MNAT1: variants seen among roughly 807,000 people sequenced by gnomAD.
MNAT1 encodes CDK-activating kinase assembly factor MAT1.
Under a neutral mutation model 42.0 loss-of-function variants are expected in MNAT1, and 43 were observed. The ratio of observed to expected loss-of-function variants is 1.02; its 90% CI spans 0.80 to 1.32. The LOEUF is 1.32. Among genes scored for constraint, MNAT1 ranks in the 40% most tolerant of loss-of-function variants. MNAT1 has a pLI of 0.00. For missense variants in MNAT1, 306 were observed against 350.4 expected, an observed-to-expected ratio of 0.87 and a Z score of 1.01; for synonymous variants, 118 against 120.0, an observed-to-expected ratio of 0.98 and a Z score of 0.11.
chr14:60,852,639 G>T (rs140272662), intron 6 of MNAT1, among the ~76,000 whole-genome samples: 2 of 152,254 alleles, frequency 1.3e-5, no homozygotes, highest in Non-Finnish European at 2.9e-5. Context: ...ATGATGAATG[G>T]TATTACCTAG....
At chr14:60,904,503 G>A (rs1402992547) in intron 7 of MNAT1, among the ~76,000 whole-genome samples, 2 of 152,008 alleles carry the variant, frequency 1.3e-5, no homozygotes, top group African/African-American at 4.8e-5. Flanking sequence ...TGCAGTTATG[G>A]AAAAAATATG....
intron 7 of MNAT1, among the ~76,000 whole-genome samples, chr14:60,926,281 C>T (rs1239284549): frequency 6.6e-6 from 1 of 152,228 alleles, no homozygotes; most frequent in African/African-American, 2.4e-5. Flanking sequence ...CAAAGCAGTT[C>T]TCCAGTCCAG....
intron 1 of MNAT1, among the ~76,000 whole-genome samples, chr14:60,786,607 A>G (rs1369897240): frequency 4.6e-5 from 7 of 152,198 alleles, no homozygotes; most frequent in African/African-American, 9.7e-5. Flanking sequence ...AACCTATTAC[A>G]TGTTACCACA....
At chr14:60,949,294 T>C (rs546316177) in intron 7 of MNAT1, among the ~76,000 whole-genome samples, 3 of 152,180 alleles carry the variant, frequency 2.0e-5, no homozygotes, top group Non-Finnish European at 4.4e-5. Flanking sequence ...CTGTGTGGCC[T>C]GTTTTGAACC....
chr14:60,884,448 T>C (rs947661247), intron 7 of MNAT1, among the ~76,000 whole-genome samples: 2 of 152,084 alleles, frequency 1.3e-5, no homozygotes, highest in Admixed American at 1.3e-4. Context: ...CTTTTTAACA[T>C]GTTGTTGAAT....
chr14:60,798,919 AACTT>A (rs1329768350), intron 3 of MNAT1, among the ~76,000 whole-genome samples: 2 of 152,256 alleles, frequency 1.3e-5, no homozygotes, highest in African/African-American at 4.8e-5. Flanking sequence ...TATTCTTTCA[AACTT>A]AATAGGTAAC....
At chr14:60,839,894 C>T (rs2033497947) in intron 6 of MNAT1, among the ~76,000 whole-genome samples, 1 of 152,200 alleles carries the variant, frequency 6.6e-6, no homozygotes, top group African/African-American at 2.4e-5. Context: ...CTGCTCTGTG[C>T]CAGACTCGCC....
chr14:60,840,953 C>A (rs567056928), intron 6 of MNAT1, among the ~76,000 whole-genome samples: 1 of 152,292 alleles, frequency 6.6e-6, no homozygotes, highest in South Asian at 2.1e-4. Context: ...GCATGAGCCA[C>A]CGCACTTGGC....
chr14:60,850,878 G>A lies in MNAT1; in HGVS notation c.688-28836G>A, dbSNP rs553839234. ...GATGTAGAATCTGCCAAAATGTTAAGTTGTCAAAAAACAAAGGGAAAATGA... is the reference window on the plus strand; with the variant it reads ...GATGTAGAATCTGCCAAAATGTTAAATTGTCAAAAAACAAAGGGAAAATGA... On this transcript the variant is annotated intron_variant, in intron 6 of 7. Coordinates refer to ENST00000261245, the MANE Select transcript of MNAT1 (RefSeq NM_002431.4). 3.3e-5 allele frequency among the ~76,000 whole-genome samples: 5 copies of A among 152,238 alleles called. No individual in the cohort carries two copies. In the South Asian group the frequency reaches 1.0e-3, roughly 32 times the overall value.
chr14:60,857,325 G>A (rs551395365), intron 6 of MNAT1, among the ~76,000 whole-genome samples: 31 of 152,268 alleles, frequency 2.0e-4, no homozygotes, highest in African/African-American at 6.5e-4. Flanking sequence ...AGACTTAAGC[G>A]GAAGAGGTAA....
intron 7 of MNAT1, among the ~76,000 whole-genome samples, chr14:60,895,045 TC>T (rs1224694417): frequency 2.0e-5 from 3 of 152,166 alleles, no homozygotes; most frequent in Non-Finnish European, 2.9e-5. Flanking sequence ...TCCCTTCTCT[TC>T]AGTCTTCTAC....
chr14:60,803,941 T>C (rs1264707108), intron 3 of MNAT1, among the ~76,000 whole-genome samples: 1 of 152,226 alleles, frequency 6.6e-6, no homozygotes, highest in African/African-American at 2.4e-5. Context: ...TGACAATCTA[T>C]ACATAAAATT....
At chr14:60,744,244 G>C (rs1225437987) in intron 1 of MNAT1, among the ~76,000 whole-genome samples, 1 of 152,128 alleles carries the variant, frequency 6.6e-6, no homozygotes, top group Non-Finnish European at 1.5e-5. Context: ...TGATTCTCCT[G>C]CATCAGCCTC....
chr14:60,759,928 G>A (rs1435427339), intron 1 of MNAT1, among the ~76,000 whole-genome samples: 1 of 152,006 alleles, frequency 6.6e-6, no homozygotes, highest in East Asian at 1.9e-4. Flanking sequence ...CTTATTTAAA[G>A]TTCTGTTCTG....
intron 1 of MNAT1, among the ~76,000 whole-genome samples, chr14:60,768,276 T>C (rs2030915226): frequency 6.6e-6 from 1 of 152,222 alleles, no homozygotes; most frequent in Admixed American, 6.5e-5. Context: ...TATTACTCAT[T>C]TATTAAGAGC....
intron 1 of MNAT1, among the ~76,000 whole-genome samples, chr14:60,749,579 ATACCT>A (rs1458804765): frequency 6.6e-6 from 1 of 152,190 alleles, no homozygotes; most frequent in African/African-American, 2.4e-5. Context: ...ACTAGTAGTG[ATACCT>A]TACAGTTACT....
At chr14:60,897,848 T>C (rs1419373425) in intron 7 of MNAT1, among the ~76,000 whole-genome samples, 4 of 152,194 alleles carry the variant, frequency 2.6e-5, no homozygotes, top group Non-Finnish European at 2.9e-5. Context: ...ATTTCTTCTA[T>C]CTAACTGTAA....
chr14:60,743,032 A>G (rs374719833), intron 1 of MNAT1, among the ~76,000 whole-genome samples: 1 of 152,198 alleles, frequency 6.6e-6, no homozygotes, highest in African/African-American at 2.4e-5. Flanking sequence ...TTATTGGATC[A>G]TATGGTAACT....
intron 6 of MNAT1, among the ~76,000 whole-genome samples, chr14:60,858,233 T>C (rs1156917276): frequency 6.6e-6 from 1 of 152,130 alleles, no homozygotes; most frequent in Non-Finnish European, 1.5e-5. Context: ...TTCTCCAGCA[T>C]CTGTTGTTTC....
Sources: gnomAD v4.1 joint callset for allele counts (sites outside exome capture counted in the v4.1 genomes callset) on GRCh38, gnomAD v4.1.1 for gene constraint, MANE v1.5 for transcripts, NCBI Gene and HGNC (gene_info 2026-07-23, HGNC 2026-07-21) for gene names.